Variants in KIAA0319L observed in about 807,000 individuals in gnomAD.
KIAA0319L encodes the protein dyslexia-associated protein KIAA0319-like protein.
Under a neutral mutation model 120.1 loss-of-function variants are expected in KIAA0319L, and 55 were observed. The observed-to-expected ratio is 0.46, with a 90% CI of 0.37 to 0.57. The LOEUF (loss-of-function observed/expected upper bound fraction) is 0.57, where lower values mean the gene tolerates loss of function less well. Ranked by LOEUF, KIAA0319L falls within the 20% of genes least tolerant of loss-of-function variation. The pLI, the probability that KIAA0319L is intolerant of heterozygous loss-of-function variation, is 0.00. For missense variants in KIAA0319L, 1,049 were observed against 1,255.3 expected (o/e 0.84, Z 2.48); for synonymous variants, 398 against 471.9 (o/e 0.84, Z 2.03).
intron 20 of KIAA0319L, chr1:35,440,527 AAAGTCATCTTACTGTTTGTGC>A (rs920776596): frequency 6.4e-6 from 1 of 155,300 alleles, no homozygotes; most frequent in African/African-American, 2.4e-5. Context: ...GCCATCACTC[AAAGTCATCTTACTGTTTGTGC>A]AAGGAAATGC....
Position 35,531,685 on chromosome 1 carries a change from C to T in KIAA0319L, c.142+22665G>A, listed in dbSNP as rs566956377. Among the ~76,000 whole-genome samples, 6 of 152,264 alleles carry T rather than the reference C, an allele frequency of 3.9e-5. No homozygotes were observed. In the East Asian group the frequency reaches 9.6e-4, roughly 24 times the overall value. ...GGATTGCTCACTTATTCTGTCTCCA[C>T]GTTGGGAAGCCCCTCTGGCTCCCAG... On this transcript the variant is annotated intron_variant, in intron 2 of 20. Transcript: ENST00000325722.
chr1:35,525,868 G>A (rs777300121), intron 2 of KIAA0319L, among the ~76,000 whole-genome samples: 16 of 152,050 alleles, frequency 1.1e-4, no homozygotes, highest in Non-Finnish European at 1.9e-4. Flanking sequence ...TTTTGGTTTT[G>A]CAGCCTGTGC....
chr1:35,506,885 T>A lies in KIAA0319L; in HGVS notation c.393A>T (p.Leu131Phe), dbSNP rs41310436. 1.2e-5 allele frequency: 19 copies of A among 1,614,196 alleles called. No homozygotes were observed. The highest frequency in any genetic ancestry group is 6.7e-5 in the East Asian group (3 of 44,888). Residue 131 changes from leucine to phenylalanine, a missense_variant, in exon 3 of 21, where the codon TTA (leucine) becomes TTT (phenylalanine). Coordinates refer to ENST00000325722, the MANE Select transcript of KIAA0319L (RefSeq NM_024874.5). The surrounding 1 kb of genome is among the most constrained non-coding windows in gnomAD (Gnocchi z 4.0). ...THSSNSMLVF[L>F]KKFQTADDLG... Reference sequence around the variant, plus strand: ...AATCATCTGCAGTTTGGAATTTTTTTAAAAACACCAGCATGGAATTGGAGG... The same window carrying A: ...AATCATCTGCAGTTTGGAATTTTTTAAAAAACACCAGCATGGAATTGGAGG...
At chr1:35,482,987 C>T (rs1644236394) in intron 3 of KIAA0319L, among the ~76,000 whole-genome samples, 1 of 152,170 alleles carries the variant, frequency 6.6e-6, no homozygotes, top group Admixed American at 6.5e-5. Context: ...TTTACATTTT[C>T]CTAGTGATTA....
At chr1:35,493,674 G>A (rs1036119788) in intron 3 of KIAA0319L, among the ~76,000 whole-genome samples, 3 of 151,812 alleles carry the variant, frequency 2.0e-5, no homozygotes, top group African/African-American at 4.8e-5. Context: ...GCAACATGGT[G>A]AAGCAACAAC....
chr1:35,471,017 AGC>A, intron 5 of KIAA0319L, 57 bp from the exon 6 acceptor site: 1 of 933,178 alleles, frequency 1.1e-6, no homozygotes, highest in Non-Finnish European at 1.8e-6. Flanking sequence ...CAAAGAGGAC[AGC>A]CACATAGCCT....
chr1:35,486,227 A>G (rs531565758), intron 3 of KIAA0319L, among the ~76,000 whole-genome samples: 1 of 152,230 alleles, frequency 6.6e-6, no homozygotes, highest in East Asian at 1.9e-4. Context: ...TACAAAAAAT[A>G]TAAAAAGTTA....
intron 2 of KIAA0319L, among the ~76,000 whole-genome samples, chr1:35,509,495 CAG>C (rs1328994520): frequency 6.6e-6 from 1 of 152,214 alleles, no homozygotes; most frequent in Non-Finnish European, 1.5e-5. Flanking sequence ...CATGTGATGA[CAG>C]AGGCAGAGAT....
rs191239856 is a variant in KIAA0319L, at chr1:35,508,348, T to C, written c.143-1213A>G. On this transcript the variant is annotated intron_variant, in intron 2 of 20. Coordinates refer to ENST00000325722, the MANE Select transcript of KIAA0319L (RefSeq NM_024874.5). ...AAAACACTGAAGATATGGATAATCA[T>C]GTCTGCATGTACACACAACTGAAAA... 1.3e-3 allele frequency among the ~76,000 whole-genome samples: 196 copies of C among 152,326 alleles called. 1 individual carries two copies. Among genetic ancestry groups the C allele is most frequent in the African/African-American group, 4.1e-3 (170 of 41,570 alleles).
intron 9 of KIAA0319L, 80 bp from the exon 10 acceptor site, chr1:35,456,321 G>A: frequency 1.1e-6 from 1 of 943,956 alleles, no homozygotes; most frequent in Non-Finnish European, 1.6e-6. Context: ...GAAAATTAAG[G>A]CTAAGAAATA....
At chr1:35,535,070 C>T (rs1419084019) in intron 2 of KIAA0319L, among the ~76,000 whole-genome samples, 1 of 132,506 alleles carries the variant, frequency 7.5e-6, no homozygotes, top group East Asian at 2.1e-4. Flanking sequence ...GCACTCTAGC[C>T]TGGAAGACAC....
intron 2 of KIAA0319L, among the ~76,000 whole-genome samples, chr1:35,535,576 C>T (rs966168370): frequency 6.6e-6 from 1 of 152,118 alleles, no homozygotes; most frequent in Non-Finnish European, 1.5e-5. Context: ...ACCTACCCTA[C>T]AGAGTTATTA....
chr1:35,501,494 T>C (rs1645003992), intron 3 of KIAA0319L, among the ~76,000 whole-genome samples: 1 of 152,330 alleles, frequency 6.6e-6, no homozygotes, highest in Admixed American at 6.5e-5. Flanking sequence ...TACTCGTCAC[T>C]CTTCCTATTT....
intron 3 of KIAA0319L, among the ~76,000 whole-genome samples, chr1:35,493,843 TCAAACAAACAAA>T (rs147277273): frequency 6.6e-6 from 1 of 151,700 alleles, no homozygotes; most frequent in African/African-American, 2.4e-5. Context: ...AGACCCTATC[TCAAACAAACAAA>T]CAAACAAACA....
chr1:35,546,539 C>T (rs1646990152), intron 2 of KIAA0319L, among the ~76,000 whole-genome samples: 1 of 152,202 alleles, frequency 6.6e-6, no homozygotes, highest in African/African-American at 2.4e-5. Context: ...CTGCAAAGAT[C>T]AAGTCAGGGA....
At chr1:35,492,390 T>C (rs1195048806) in intron 3 of KIAA0319L, among the ~76,000 whole-genome samples, 1 of 152,116 alleles carries the variant, frequency 6.6e-6, no homozygotes, top group Non-Finnish European at 1.5e-5. Flanking sequence ...GGCATGCGCC[T>C]GTAGTCCCAG....
intron 10 of KIAA0319L, chr1:35,454,700 A>T: frequency 8.3e-7 from 1 of 1,207,612 alleles, no homozygotes. Flanking sequence ...ACCCTCTCTG[A>T]CACAGCAGCA....
At position 35,450,292 on chromosome 1, in the gene KIAA0319L, T is replaced by C. The variant is rs1641958214; in HGVS notation, c.2214+66A>G. 23 of 1,496,050 alleles carry C rather than the reference T, an allele frequency of 1.5e-5. 1 individual carries two copies. The highest frequency in any genetic ancestry group is 2.0e-5 in the Non-Finnish European group (22 of 1,093,266). 92.7% of individuals were successfully genotyped at this position (1,496,050 alleles called of 1,614,324 possible). ...TAAGGGACCACTTGATTAAAGCATA[T>C]ACTGGAACGCGTGGCTCCTCCTCCT... On this transcript the variant is annotated intron_variant, in intron 14 of 20. Coordinates refer to ENST00000325722, the MANE Select transcript of KIAA0319L (RefSeq NM_024874.5).
intron 3 of KIAA0319L, among the ~76,000 whole-genome samples, chr1:35,494,190 G>T (rs10908397): frequency 0.26 from 39,133 of 151,864 alleles, 10,551 homozygotes; most frequent in East Asian, 0.78. Context: ...GGCTCACACC[G>T]GTAATCCCAG....
Sources: allele counts gnomAD v4.1 joint callset (sites outside exome capture counted in the v4.1 genomes callset), GRCh38; gene constraint gnomAD v4.1.1; non-coding constraint Gnocchi (gnomAD v3.1); transcripts MANE v1.5; gene names NCBI Gene and HGNC (gene_info 2026-07-23, HGNC 2026-07-21).